Variants in LRP1B observed in about 807,000 individuals in gnomAD.
LRP1B encodes LDL receptor related protein 1B, also known as low-density lipoprotein receptor-related protein 1B.
A neutral mutation model predicts 556.6 loss-of-function variants in LRP1B; 217 were observed. That is an observed-to-expected ratio of 0.39 (90% CI 0.35 to 0.44). The LOEUF (loss-of-function observed/expected upper bound fraction) is 0.44, where lower values mean the gene tolerates loss of function less well. Ranked by LOEUF, LRP1B falls within the 20% of genes least tolerant of loss-of-function variation. The probability of loss-of-function intolerance (pLI) is 1.00; values close to 1 mark genes in which losing one functional copy is unlikely to be tolerated. For synonymous variants in LRP1B, 2,047 were observed against 1,865.8 expected (o/e 1.10, Z -2.50); for missense variants, 5,053 against 5,620.8 (o/e 0.90, Z 3.23).
At chr2:142,031,448 C>T (rs1439684989) in intron 1 of LRP1B, among the ~76,000 whole-genome samples, 1 of 140,692 alleles carries the variant, frequency 7.1e-6, no homozygotes, top group East Asian at 2.4e-4. Flanking sequence ...AATGTGTCAT[C>T]TAGCATTAGG....
intron 1 of LRP1B, among the ~76,000 whole-genome samples, chr2:141,851,695 T>C (rs116687833): frequency 0.014 from 2,184 of 151,902 alleles, 54 homozygotes; most frequent in African/African-American, 0.049. Flanking sequence ...GAGTTTGTTA[T>C]TGTTTTAGTT....
At chr2:140,326,943 AAC>A (rs1680519355) in intron 79 of LRP1B, among the ~76,000 whole-genome samples, 1 of 152,154 alleles carries the variant, frequency 6.6e-6, no homozygotes, top group South Asian at 2.1e-4. Context: ...AAATATCATC[AAC>A]ACAGAGAATA....
intron 2 of LRP1B, among the ~76,000 whole-genome samples, chr2:141,502,063 T>TC (rs1683734239): frequency 6.6e-6 from 1 of 152,134 alleles, no homozygotes; most frequent in Admixed American, 6.5e-5. Flanking sequence ...ATCTGAACAC[T>TC]CCCCCCAAAC....
chr2:141,584,994 T>A (rs1350142627), intron 2 of LRP1B, among the ~76,000 whole-genome samples: 1 of 152,166 alleles, frequency 6.6e-6, no homozygotes, highest in Non-Finnish European at 1.5e-5. Context: ...TGTGAATATA[T>A]TTAACACTAC....
intron 31 of LRP1B, among the ~76,000 whole-genome samples, chr2:140,826,003 C>CTGGA (rs1691490260): frequency 6.6e-6 from 1 of 152,112 alleles, no homozygotes; most frequent in Non-Finnish European, 1.5e-5. Context: ...ACTCAAAAAT[C>CTGGA]TGGATGGTCC....
intron 1 of LRP1B, among the ~76,000 whole-genome samples, chr2:142,089,946 T>G (rs1393883370): frequency 6.6e-6 from 1 of 152,188 alleles, no homozygotes; most frequent in Non-Finnish European, 1.5e-5. Context: ...ATGCTTTGAT[T>G]GCATATCACA....
intron 3 of LRP1B, among the ~76,000 whole-genome samples, chr2:141,288,154 A>T (rs1685791891): frequency 6.6e-6 from 1 of 152,064 alleles, no homozygotes. Flanking sequence ...TACAGCTTGT[A>T]GAAAAATGTT....
intron 17 of LRP1B, among the ~76,000 whole-genome samples, chr2:140,987,622 G>A (rs1377230442): frequency 1.3e-5 from 2 of 152,080 alleles, no homozygotes; most frequent in Admixed American, 6.6e-5. Context: ...CTATTTTAAG[G>A]TGAAAACAGA....
At chr2:141,273,920 T>G (rs1181870645) in intron 3 of LRP1B, among the ~76,000 whole-genome samples, 3 of 152,242 alleles carry the variant, frequency 2.0e-5, no homozygotes, top group Non-Finnish European at 2.9e-5. Flanking sequence ...CAGATATTTC[T>G]GTAAAGAAGT....
At chr2:140,601,718 C>A in intron 41 of LRP1B, 79 bp from the exon 42 acceptor site, 1 of 953,996 alleles carries the variant, frequency 1.0e-6, no homozygotes, top group Non-Finnish European at 1.5e-6. Context: ...GCATTTAAGA[C>A]ATACATGTAT....
At chr2:141,502,501 A>C (rs1000681308) in intron 2 of LRP1B, among the ~76,000 whole-genome samples, 3 of 152,198 alleles carry the variant, frequency 2.0e-5, no homozygotes, top group African/African-American at 7.2e-5. Context: ...ATAGATAGAT[A>C]GTTGAAGAAA....
chr2:141,590,617 C>A (rs1351055470), intron 2 of LRP1B, among the ~76,000 whole-genome samples: 1 of 152,088 alleles, frequency 6.6e-6, no homozygotes. Flanking sequence ...GTTCCTCGCA[C>A]TCATCAGAAA....
intron 2 of LRP1B, among the ~76,000 whole-genome samples, chr2:141,790,317 G>A (rs1435767017): frequency 7.4e-6 from 1 of 135,882 alleles, no homozygotes; most frequent in Non-Finnish European, 1.6e-5. Context: ...TTGTATTTAA[G>A]CATTTTAGAA....
intron 66 of LRP1B, among the ~76,000 whole-genome samples, chr2:140,399,858 A>C (rs1000373669): frequency 2.0e-5 from 3 of 152,220 alleles, no homozygotes; most frequent in Non-Finnish European, 4.4e-5. Context: ...TACATTGTAC[A>C]TTGTAAGCTA....
Position 141,686,298 on chromosome 2 carries a change from C to T in LRP1B, c.205+123981G>A, listed in dbSNP as rs368527043. ...ATGTCATGTGTCATGTTGTAATGGG[C>T]TTATTATATGAGATATAAAGGAAGT... On this transcript the variant is annotated intron_variant, in intron 2 of 90. Transcript: ENST00000389484. Among the ~76,000 whole-genome samples the T allele has an allele frequency of 3.0e-3, 450 of 151,848 alleles. 4 individuals carry two copies. Among genetic ancestry groups the T allele is most frequent in the African/African-American group, 0.01 (422 of 41,458 alleles).
intron 31 of LRP1B, among the ~76,000 whole-genome samples, chr2:140,819,432 T>C (rs1275866194): frequency 1.3e-5 from 2 of 152,126 alleles, no homozygotes; most frequent in Non-Finnish European, 2.9e-5. Context: ...GAGTAAATAT[T>C]TGCAATCCAT....
chr2:140,794,478 AAC>A (rs6146938), intron 32 of LRP1B, among the ~76,000 whole-genome samples: 5,382 of 149,982 alleles, frequency 0.036, 306 homozygotes, highest in African/African-American at 0.12. Context: ...AGCTATTTAA[AAC>A]ACACACACAC....
At chr2:140,363,210 T>C (rs1418566661) in intron 72 of LRP1B, among the ~76,000 whole-genome samples, 1 of 151,632 alleles carries the variant, frequency 6.6e-6, no homozygotes, top group Non-Finnish European at 1.5e-5. Context: ...CCTTTTGTTG[T>C]CCTAATTAGC....
chr2:140,659,727 C>T (rs890917961), intron 41 of LRP1B, among the ~76,000 whole-genome samples: 10 of 151,934 alleles, frequency 6.6e-5, no homozygotes, highest in East Asian at 1.9e-4. Context: ...AAATATAAAA[C>T]GATACAATTT....
Sources: gnomAD v4.1 joint callset for allele counts (sites outside exome capture counted in the v4.1 genomes callset) on GRCh38, gnomAD v4.1.1 for gene constraint, MANE v1.5 for transcripts, NCBI Gene and HGNC (gene_info 2026-07-23, HGNC 2026-07-21) for gene names.